The following HERC4 variants were observed in gnomAD, a reference collection of about 807,000 sequenced individuals.
HERC4 encodes HECT and RLD domain containing E3 ubiquitin protein ligase 4.
Under a neutral mutation model 124.3 loss-of-function variants are expected in HERC4, and 28 were observed. The ratio of observed to expected loss-of-function variants is 0.23; its 90% CI spans 0.17 to 0.31. The LOEUF (loss-of-function observed/expected upper bound fraction) is 0.31, where lower values mean the gene tolerates loss of function less well. Among genes scored for constraint, HERC4 ranks in the 10% least tolerant of loss-of-function variants. The pLI, the probability that HERC4 is intolerant of heterozygous loss-of-function variation, is 1.00. For synonymous variants in HERC4, 407 were observed against 421.5 expected, an observed-to-expected ratio of 0.97 and a Z score of 0.42; for missense variants, 713 against 1,229.3, an observed-to-expected ratio of 0.58 and a Z score of 6.28.
chr10:68,070,805 C>T (rs966738031), intron 3 of HERC4, among the ~76,000 whole-genome samples: 1 of 151,952 alleles, frequency 6.6e-6, no homozygotes, highest in African/African-American at 2.4e-5. Flanking sequence ...AGGACCCCCC[C>T]CTTCTACAAA....
At chr10:68,000,484 T>C (rs2037161432) in intron 9 of HERC4, among the ~76,000 whole-genome samples, 2 of 150,882 alleles carry the variant, frequency 1.3e-5, no homozygotes, top group East Asian at 2.0e-4. Flanking sequence ...GAGGCTGAGG[T>C]GGGAGGATCG....
intron 9 of HERC4, chr10:68,010,614 T>A: frequency 1.5e-6 from 2 of 1,375,028 alleles, no homozygotes; most frequent in East Asian, 4.8e-5. Context: ...GGTTTCGGCT[T>A]TGCATATCTC....
Position 68,026,840 on chromosome 10 carries a change from CA to C in HERC4, c.778-1165del, listed in dbSNP as rs35768029. 1.6e-3 allele frequency among the ~76,000 whole-genome samples: 223 copies of C among 141,316 alleles called. 1 individual carries two copies. The highest frequency in any genetic ancestry group is 3.9e-3 in the African/African-American group (149 of 38,278). The allele number at this position is 141,316 out of a possible 152,430, so 92.7% of individuals were successfully genotyped here. A position where few individuals can be genotyped will look rare whatever the true frequency, so the allele number is the denominator to read the frequency against. ...CCTGGGCGACAGAAAGACTCCGTCTCAAAAAAAAAAAATTAGTTAGGCATGG... is the reference window on the plus strand; with the variant it reads ...CCTGGGCGACAGAAAGACTCCGTCTCAAAAAAAAAAATTAGTTAGGCATGG... On this transcript the variant is annotated intron_variant, in intron 7 of 24. Transcript: ENST00000373700.
chr10:68,023,163 A>G (rs115714744), intron 8 of HERC4, among the ~76,000 whole-genome samples: 2,333 of 152,310 alleles, frequency 0.015, 72 homozygotes, highest in African/African-American at 0.053. Context: ...CAGAATTGCC[A>G]TATGAACCAC....
intron 14 of HERC4, 57 bp downstream of exon 14, chr10:67,990,154 G>T: frequency 1.4e-6 from 2 of 1,399,488 alleles, no homozygotes; most frequent in East Asian, 2.5e-5. Flanking sequence ...AAGAACTTAT[G>T]AAGCATTTTC....
chr10:67,980,429 C>T (rs2035862715), intron 15 of HERC4, among the ~76,000 whole-genome samples: 1 of 152,082 alleles, frequency 6.6e-6, no homozygotes, highest in African/African-American at 2.4e-5. Flanking sequence ...CACCGCACCC[C>T]ACCCTGAAAG....
chr10:67,991,111 T>A (rs1388975904), intron 12 of HERC4, 29 bp downstream of exon 12: 3 of 1,475,864 alleles, frequency 2.0e-6, no homozygotes, highest in Non-Finnish European at 2.7e-6. Flanking sequence ...AATTTGAAAA[T>A]TTCAGCATAT....
chr10:67,958,988 CATAT>C, intron 16 of HERC4: 1 of 577,910 alleles, frequency 1.7e-6, no homozygotes, highest in Non-Finnish European at 3.0e-6. Flanking sequence ...AAAAATGATA[CATAT>C]ATATCTATTT....
chr10:68,006,006 T>C (rs989845911), intron 9 of HERC4, among the ~76,000 whole-genome samples: 2 of 152,236 alleles, frequency 1.3e-5, no homozygotes, highest in African/African-American at 4.8e-5. Context: ...TCTTAACTGA[T>C]GACAAGTTTA....
intron 9 of HERC4, among the ~76,000 whole-genome samples, chr10:68,000,978 T>A (rs1004408083): frequency 1.3e-5 from 2 of 152,178 alleles, no homozygotes; most frequent in African/African-American, 4.8e-5. Context: ...ACTAATATAG[T>A]TGTTTCAACT....
chr10:68,047,779 G>A (rs1235511373), intron 3 of HERC4, among the ~76,000 whole-genome samples: 1 of 152,168 alleles, frequency 6.6e-6, no homozygotes, highest in Non-Finnish European at 1.5e-5. Context: ...TTCACTGCTG[G>A]TGGGAATGCA....
intron 23 of HERC4, among the ~76,000 whole-genome samples, chr10:67,928,317 A>C (rs936068418): frequency 6.6e-6 from 1 of 152,124 alleles, no homozygotes; most frequent in Non-Finnish European, 1.5e-5. Context: ...GACCCCTTAG[A>C]GTTAGTATCT....
intron 19 of HERC4, among the ~76,000 whole-genome samples, chr10:67,948,858 T>G (rs1444262167): frequency 1.3e-5 from 2 of 151,510 alleles, no homozygotes; most frequent in Non-Finnish European, 2.9e-5. Context: ...GAGGCAGAGG[T>G]TGCAGTGAGC....
chr10:67,939,449 T>G, intron 21 of HERC4, 139 bp downstream of exon 21: 1 of 578,058 alleles, frequency 1.7e-6, no homozygotes, highest in Non-Finnish European at 3.0e-6. Flanking sequence ...CTAGCTAGCA[T>G]GTAGTAAATG....
chr10:67,948,869 C>T (rs12252848), intron 19 of HERC4, among the ~76,000 whole-genome samples: 10,316 of 149,470 alleles, frequency 0.069, 1,206 homozygotes, highest in African/African-American at 0.24. Context: ...TGCAGTGAGC[C>T]GAGACTGTGC....
chr10:67,996,387 T>C (rs2036884367), intron 9 of HERC4, among the ~76,000 whole-genome samples: 1 of 152,174 alleles, frequency 6.6e-6, no homozygotes, highest in Non-Finnish European at 1.5e-5. Context: ...TCACTGTCTT[T>C]GAGCTATTCA....
chr10:68,045,715 T>C (rs973244949), intron 3 of HERC4, among the ~76,000 whole-genome samples: 1 of 152,218 alleles, frequency 6.6e-6, no homozygotes, highest in Admixed American at 6.5e-5. Context: ...TTAACTTTCT[T>C]TCAGCTTAAT....
chr10:67,962,642 A>G (rs1360523576), intron 16 of HERC4, among the ~76,000 whole-genome samples: 2 of 152,174 alleles, frequency 1.3e-5, no homozygotes, highest in African/African-American at 4.8e-5. Flanking sequence ...TAATTAACTA[A>G]AAGTATCAGA....
At chr10:68,048,787 G>A (rs556016239) in intron 3 of HERC4, among the ~76,000 whole-genome samples, 1 of 152,110 alleles carries the variant, frequency 6.6e-6, no homozygotes, top group Non-Finnish European at 1.5e-5. Flanking sequence ...TTTATTTTCT[G>A]CTCAGTTTTG....
Sources: allele counts gnomAD v4.1 joint callset (sites outside exome capture counted in the v4.1 genomes callset), GRCh38; gene constraint gnomAD v4.1.1; transcripts MANE v1.5; gene names NCBI Gene and HGNC (gene_info 2026-07-23, HGNC 2026-07-21).